POT1: variants seen among roughly 807,000 people sequenced by gnomAD.
POT1 encodes the protein protection of telomeres 1.
Under a neutral mutation model 78.5 loss-of-function variants are expected in POT1, and 47 were observed. That is an observed-to-expected ratio of 0.60 (90% CI 0.47 to 0.76). POT1 has a LOEUF of 0.76. Ranked by LOEUF, POT1 falls within the 30% of genes least tolerant of loss-of-function variation. The pLI is 0.00. For missense variants in POT1, 646 were observed against 749.9 expected (o/e 0.86, Z 1.62); for synonymous variants, 259 against 260.7 (o/e 0.99, Z 0.06).
chr7:124,894,677 G>A (rs1399274938), intron 5 of POT1, among the ~76,000 whole-genome samples: 7 of 151,492 alleles, frequency 4.6e-5, no homozygotes, highest in Non-Finnish European at 8.9e-5. Flanking sequence ...AAATTTACAT[G>A]ATTCCCAATA....
intron 2 of POT1, among the ~76,000 whole-genome samples, chr7:124,927,594 T>C (rs1797306156): frequency 6.6e-6 from 1 of 152,180 alleles, no homozygotes; most frequent in Admixed American, 6.5e-5. Context: ...CTCTGCTACT[T>C]ATTCATACTA....
chr7:124,834,368 T>C (rs555828762), intron 15 of POT1, among the ~76,000 whole-genome samples: 2 of 152,038 alleles, frequency 1.3e-5, no homozygotes, highest in Non-Finnish European at 2.9e-5. Flanking sequence ...AAAGGGCTAA[T>C]ATCTAGACTC....
In POT1 at chr7:124,863,443, T is replaced by C; in HGVS notation, c.453A>G (p.Leu151=). 6.2e-7 allele frequency: 1 copy of C among 1,613,940 alleles called. No homozygotes were observed. Among genetic ancestry groups the C allele is most frequent in the Non-Finnish European group, 8.5e-7 (1 of 1,179,856 alleles). ...STHMSPSWTL[L]KLCDVQPMQY... is the part of the protein sequence containing the mutation. The stretch of plus-strand genomic sequence containing the variant: ...GCATTGGCTGAACATCACACAATTT[T>C]AGTAATGTCCAAGACGGTGACATAT... Residue 151 remains leucine (L), a synonymous_variant, in exon 8 of 19, where the codon CTA becomes CTG. Coordinates refer to ENST00000357628, the MANE Select transcript of POT1 (RefSeq NM_015450.3).
chr7:124,905,770 G>T (rs1796750788), intron 3 of POT1, among the ~76,000 whole-genome samples: 1 of 152,066 alleles, frequency 6.6e-6, no homozygotes. Flanking sequence ...AATCTACACG[G>T]AACTTAAACA....
At chr7:124,915,464 T>C (rs976877534) in intron 3 of POT1, 110 bp downstream of exon 3, 1 of 152,112 alleles carries the variant, frequency 6.6e-6, no homozygotes, top group Non-Finnish European at 1.5e-5. Context: ...GGTCTAGATA[T>C]GAGAGTAAAG....
chr7:124,889,070 C>T (rs1481322728), intron 6 of POT1, among the ~76,000 whole-genome samples: 1 of 151,928 alleles, frequency 6.6e-6, no homozygotes, highest in African/African-American at 2.4e-5. Context: ...AGCTGAGATA[C>T]ACTGAAAACT....
rs142059197 is a variant in POT1 at position 124,824,016 on chromosome 7, A to G, written c.1851T>C (p.Asp617=). 2 of 1,609,258 alleles carry G rather than the reference A, an allele frequency of 1.2e-6. No homozygotes were observed. The highest frequency in any genetic ancestry group is 2.7e-5 in the African/African-American group (2 of 74,754). The change falls in exon 19 of 19, where the codon GAT becomes GAC. Residue 617 remains aspartate, a synonymous_variant. Coordinates refer to ENST00000357628, the MANE Select transcript of POT1 (RefSeq NM_015450.3). The stretch of plus-strand genomic sequence containing the variant: ...CAAAAATCTGATAGCAAATTTGATT[A>G]TCTGTTCCATTTGTGACATTGTATG... ...IKSYNVTNGT[D]NQICYQIFDT...
intron 14 of POT1, 98 bp from the exon 15 acceptor site, chr7:124,835,512 G>A: frequency 1.3e-5 from 17 of 1,274,360 alleles, no homozygotes; most frequent in Middle Eastern, 1.9e-4. Flanking sequence ...AAAGACTAAA[G>A]GAATTGACAG....
intron 15 of POT1, among the ~76,000 whole-genome samples, chr7:124,834,401 G>GA: frequency 6.6e-6 from 1 of 151,440 alleles, no homozygotes; most frequent in Non-Finnish European, 1.5e-5. Flanking sequence ...AAATTTAAAA[G>GA]AAAAAAACAA....
chr7:124,846,170 C>T (rs913683490), intron 12 of POT1, among the ~76,000 whole-genome samples: 1 of 151,802 alleles, frequency 6.6e-6, no homozygotes, highest in African/African-American at 2.4e-5. Flanking sequence ...CTGACACACA[C>T]ACACACACAC....
At chr7:124,857,422 A>C (rs576576770) in intron 9 of POT1, among the ~76,000 whole-genome samples, 24 of 152,340 alleles carry the variant, frequency 1.6e-4, no homozygotes. Flanking sequence ...CACGGCCCAA[A>C]GTGAGAACTT....
At chr7:124,907,957 A>G (rs1796804385) in intron 3 of POT1, among the ~76,000 whole-genome samples, 1 of 152,102 alleles carries the variant, frequency 6.6e-6, no homozygotes, top group Non-Finnish European at 1.5e-5. Context: ...TGGTGAAATA[A>G]GCAAATCAAC....
chr7:124,908,375 A>C (rs1031758440), intron 3 of POT1, among the ~76,000 whole-genome samples: 2 of 151,908 alleles, frequency 1.3e-5, no homozygotes, highest in Admixed American at 1.3e-4. Context: ...AGCATTAAAA[A>C]CCAAAATTCT....
chr7:124,865,530 T>C (rs1392044409), intron 7 of POT1, among the ~76,000 whole-genome samples: 1 of 151,986 alleles, frequency 6.6e-6, no homozygotes, highest in African/African-American at 2.4e-5. Context: ...TTATATCTGA[T>C]CTATTTAGCC....
intron 3 of POT1, among the ~76,000 whole-genome samples, chr7:124,915,159 T>C (rs538105231): frequency 3.9e-5 from 6 of 152,324 alleles, no homozygotes; most frequent in Admixed American, 6.5e-5. Flanking sequence ...AGTTGTAGAA[T>C]TTTGTAGTTT....
chr7:124,906,806 C>T (rs370997646), intron 3 of POT1, among the ~76,000 whole-genome samples: 3 of 152,074 alleles, frequency 2.0e-5, no homozygotes, highest in Non-Finnish European at 1.5e-5. Context: ...AAATAAATGG[C>T]TCTTAGGATC....
intron 3 of POT1, among the ~76,000 whole-genome samples, chr7:124,898,995 A>G (rs1163300701): frequency 6.6e-6 from 1 of 152,112 alleles, no homozygotes; most frequent in Non-Finnish European, 1.5e-5. Flanking sequence ...CTGCATATAT[A>G]TTTTTCATTG....
rs190708966 is a variant in POT1, at chr7:124,923,352, G to T, written c.-227+5463C>A. ...AAAAAGAAAAGAAAACGGAAACCAT[G>T]AATTAAAAAATTGAAGAAAATACAA... On this transcript the variant is annotated intron_variant, in intron 2 of 18. Coordinates refer to ENST00000357628, the MANE Select transcript of POT1 (RefSeq NM_015450.3). Among the ~76,000 whole-genome samples, 868 of 151,794 alleles carry T rather than the reference G, an allele frequency of 5.7e-3. 14 individuals carry two copies. The highest frequency in any genetic ancestry group is 8.2e-3 in the Non-Finnish European group (558 of 67,792).
chr7:124,875,145 A>C (rs942854914), intron 6 of POT1, among the ~76,000 whole-genome samples: 4 of 152,136 alleles, frequency 2.6e-5, no homozygotes, highest in African/African-American at 9.7e-5. Context: ...GACCAAAGAT[A>C]AATTTTATTT....
Sources: gnomAD v4.1 joint callset for allele counts (sites outside exome capture counted in the v4.1 genomes callset) on GRCh38, gnomAD v4.1.1 for gene constraint, MANE v1.5 for transcripts, NCBI Gene and HGNC (gene_info 2026-07-23, HGNC 2026-07-21) for gene names.